PAK5: variants seen among roughly 807,000 people sequenced by gnomAD.
PAK5 encodes serine/threonine-protein kinase PAK 5.
Under a neutral mutation model 65.9 loss-of-function variants are expected in PAK5, and 16 were observed. That is an observed-to-expected ratio of 0.24 (90% CI 0.16 to 0.37). The LOEUF (loss-of-function observed/expected upper bound fraction) is 0.37. Ranked by LOEUF, PAK5 falls within the 10% of genes least tolerant of loss-of-function variation. The pLI, the probability that PAK5 is intolerant of heterozygous loss-of-function variation, is 1.00. For missense variants in PAK5, 785 were observed against 903.9 expected, an observed-to-expected ratio of 0.87 and a Z score of 1.69; for synonymous variants, 371 against 354.9, an observed-to-expected ratio of 1.05 and a Z score of -0.51.
At chr20:9,577,904 T>G (rs570337005) in intron 4 of PAK5, among the ~76,000 whole-genome samples, 1 of 152,320 alleles carries the variant, frequency 6.6e-6, no homozygotes, top group East Asian at 1.9e-4. Context: ...GTTTCTGGGC[T>G]GGCAGAGCCA....
At chr20:9,665,686 C>T (rs2047407720) in intron 2 of PAK5, among the ~76,000 whole-genome samples, 2 of 148,514 alleles carry the variant, frequency 1.3e-5, no homozygotes, top group Non-Finnish European at 1.5e-5. Flanking sequence ...GAGATGGGGT[C>T]TCGTTATGTT....
At chr20:9,817,419 C>G (rs1485927067) in intron 1 of PAK5, among the ~76,000 whole-genome samples, 2 of 152,196 alleles carry the variant, frequency 1.3e-5, no homozygotes, top group Non-Finnish European at 2.9e-5. Context: ...TCCTTCAACA[C>G]ACACAATAGT....
At chr20:9,692,198 C>A (rs1254480619) in intron 2 of PAK5, among the ~76,000 whole-genome samples, 1 of 116,106 alleles carries the variant, frequency 8.6e-6, no homozygotes, top group East Asian at 2.3e-4. Context: ...GATATCAGGA[C>A]CTGTTTCATC....
chr20:9,794,958 A>G (rs1197844073), intron 1 of PAK5, among the ~76,000 whole-genome samples: 1 of 151,930 alleles, frequency 6.6e-6, no homozygotes, highest in African/African-American at 2.4e-5. Flanking sequence ...GACAGTCTGT[A>G]TCCCCTAGGC....
At chr20:9,665,262 G>T (rs1569028490) in intron 2 of PAK5, among the ~76,000 whole-genome samples, 1 of 151,734 alleles carries the variant, frequency 6.6e-6, no homozygotes, top group African/African-American at 2.4e-5. Flanking sequence ...TCACCATTGT[G>T]TATCAGTTAT....
chr20:9,793,764 T>C (rs764351952), intron 1 of PAK5, among the ~76,000 whole-genome samples: 26 of 152,272 alleles, frequency 1.7e-4, no homozygotes, highest in Admixed American at 3.9e-4. Flanking sequence ...TGGAAGACAG[T>C]GTGGCAATTC....
At chr20:9,641,790 C>G (rs1303223505) in intron 3 of PAK5, among the ~76,000 whole-genome samples, 2 of 152,138 alleles carry the variant, frequency 1.3e-5, no homozygotes, top group Non-Finnish European at 2.9e-5. Flanking sequence ...TGGGCCGGCA[C>G]TGCTGGGGGA....
At chr20:9,692,194 AG>A (rs1181052101) in intron 2 of PAK5, among the ~76,000 whole-genome samples, 1 of 148,058 alleles carries the variant, frequency 6.8e-6, no homozygotes, top group East Asian at 2.0e-4. Context: ...GCCAGATATC[AG>A]GACCTGTTTC....
At chr20:9,624,359 C>A (rs186230644) in intron 3 of PAK5, among the ~76,000 whole-genome samples, 177 of 151,982 alleles carry the variant, frequency 1.2e-3, no homozygotes, top group African/African-American at 4.2e-3. Context: ...TAGCCCATGA[C>A]GGGTATTCAA....
At chr20:9,612,254 A>T (rs1240156788) in intron 3 of PAK5, among the ~76,000 whole-genome samples, 2 of 151,890 alleles carry the variant, frequency 1.3e-5, no homozygotes, top group Non-Finnish European at 2.9e-5. Context: ...CTCCTGGCAC[A>T]CTTAGCGCAT....
chr20:9,601,582 C>T (rs1356341141), intron 3 of PAK5, among the ~76,000 whole-genome samples: 1 of 152,122 alleles, frequency 6.6e-6, no homozygotes, highest in Non-Finnish European at 1.5e-5. Flanking sequence ...CTCGATTCTT[C>T]CCTCCTTCCC....
chr20:9,769,642 G>T (rs547115528), intron 1 of PAK5, among the ~76,000 whole-genome samples: 1 of 152,192 alleles, frequency 6.6e-6, no homozygotes, highest in Admixed American at 6.5e-5. Flanking sequence ...CTTCAAGCCC[G>T]GTTAGACAGA....
At chr20:9,737,551 A>C (rs6516492) in intron 1 of PAK5, among the ~76,000 whole-genome samples, 68,131 of 151,954 alleles carry the variant, frequency 0.45, 16,123 homozygotes, top group South Asian at 0.65. Flanking sequence ...TTGAAGATTT[A>C]ATGCTATCTC....
At chr20:9,595,000 T>C (rs2046237436) in intron 3 of PAK5, among the ~76,000 whole-genome samples, 1 of 151,996 alleles carries the variant, frequency 6.6e-6, no homozygotes. Flanking sequence ...TAAACACATA[T>C]ACACATACAT....
intron 2 of PAK5, among the ~76,000 whole-genome samples, chr20:9,672,880 A>C (rs1046763178): frequency 1.3e-5 from 2 of 152,172 alleles, no homozygotes; most frequent in African/African-American, 4.8e-5. Flanking sequence ...ATTCTTGAGC[A>C]GCAATAGCTT....
chr20:9,769,518 C>T (rs2048809953), intron 1 of PAK5, among the ~76,000 whole-genome samples: 2 of 152,236 alleles, frequency 1.3e-5, no homozygotes, highest in Admixed American at 6.5e-5. Context: ...ATGTGGCTAT[C>T]ACTTTCCCCC....
chr20:9,566,482 T>A, intron 4 of PAK5, 98 bp from the exon 5 acceptor site: 1 of 1,198,366 alleles, frequency 8.3e-7, no homozygotes, highest in South Asian at 1.4e-5. Flanking sequence ...AGAATGAGGA[T>A]CACCAGTGGG....
chr20:9,781,585 A>G (rs1275135412), intron 1 of PAK5, among the ~76,000 whole-genome samples: 1 of 152,118 alleles, frequency 6.6e-6, no homozygotes, highest in African/African-American at 2.4e-5. Context: ...AGACAACTCA[A>G]ACTCAGCATG....
At chr20:9,624,215 T>C (rs2046810694) in intron 3 of PAK5, among the ~76,000 whole-genome samples, 3 of 152,174 alleles carry the variant, frequency 2.0e-5, no homozygotes, top group African/African-American at 2.4e-5. Context: ...TAAAAATAAG[T>C]AAGGCATAGG....
Sources: allele counts gnomAD v4.1 joint callset (sites outside exome capture counted in the v4.1 genomes callset), GRCh38; gene constraint gnomAD v4.1.1; transcripts MANE v1.5; gene names NCBI Gene and HGNC (gene_info 2026-07-23, HGNC 2026-07-21).